The following STON1 variants were observed in gnomAD, a reference collection of about 807,000 sequenced individuals.
The protein encoded by STON1 is stonin 1.
Under a neutral mutation model 60.9 loss-of-function variants are expected in STON1, and 79 were observed. The ratio of observed to expected loss-of-function variants is 1.30; its 90% CI spans 1.08 to 1.56. The LOEUF (loss-of-function observed/expected upper bound fraction) is 1.56, where lower values mean the gene tolerates loss of function less well. Among genes scored for constraint, STON1 ranks in the 40% most tolerant of loss-of-function variants. The pLI, the probability that STON1 is intolerant of heterozygous loss-of-function variation, is 0.00. For missense variants in STON1, 1,166 were observed against 858.9 expected, an observed-to-expected ratio of 1.36 and a Z score of -4.47; for synonymous variants, 363 against 306.9, an observed-to-expected ratio of 1.18 and a Z score of -1.91.
chr2:48,580,800 C>T lies in STON1; in HGVS notation c.167C>T (p.Ser56Phe), dbSNP rs1354053702. Residue 56 changes from serine (S) to phenylalanine (F), a missense_variant, in exon 2 of 4, where the codon TCC becomes TTC. By Grantham distance (155) the Ser-to-Phe change is radical. Coordinates refer to ENST00000404752, the MANE Select transcript of STON1 (RefSeq NM_006873.4). Reference sequence around the variant, plus strand: ...AGGGAATTTCCCAGTGGATCTTCCTCCACCAGCAGCACTCCTCTCTCCTCC... The same window carrying T: ...AGGGAATTTCCCAGTGGATCTTCCTTCACCAGCAGCACTCCTCTCTCCTCC... ...GLREFPSGSSSTSSTPLSSPI... is the reference protein window; with the variant it reads ...GLREFPSGSSFTSSTPLSSPI... The T allele has an allele frequency of 3.2e-6, 5 of 1,553,538 alleles. No individual in the cohort carries two copies. Among genetic ancestry groups the T allele is most frequent in the Non-Finnish European group, 4.3e-6 (5 of 1,151,540 alleles).
At chr2:48,548,571 T>C (rs961387264) in intron 1 of STON1, among the ~76,000 whole-genome samples, 3 of 151,856 alleles carry the variant, frequency 2.0e-5, no homozygotes, top group Non-Finnish European at 2.9e-5. Context: ...TGATCTCGGC[T>C]CACTGAAGCC....
In STON1 at chr2:48,581,970, G is replaced by A; in HGVS notation, c.1337G>A (p.Cys446Tyr). ...SAVITQIYCL[C>Y]FVNGNLECFL... is the part of the protein sequence containing the mutation. ...GTGATAACTCAAATTTATTGCCTCT[G>A]CTTTGTGAATGGGAACCTGGAATGC... is the stretch of plus-strand genomic sequence containing the variant. Residue 446 changes from cysteine (C) to tyrosine (Y), a missense_variant, in exon 2 of 4, where the codon TGC becomes TAC. Coordinates refer to ENST00000404752, the MANE Select transcript of STON1 (RefSeq NM_006873.4). The A allele has an allele frequency of 6.2e-7, 1 of 1,614,178 alleles. No individual in the cohort carries two copies.
Position 48,591,639 on chromosome 2 carries a change from T to C in STON1, c.1931-14T>C. 2 of 1,611,332 alleles carry C rather than the reference T, an allele frequency of 1.2e-6. No homozygotes were observed. The highest frequency in any genetic ancestry group is 1.7e-6 in the Non-Finnish European group (2 of 1,178,748). On this transcript the variant is annotated splice_polypyrimidine_tract_variant and intron_variant, in intron 2 of 3. Transcript: ENST00000404752. Reference sequence around the variant, plus strand: ...ATTAAAATACTTTGACTATTTGATTTTTTTTCCCTCGAGGTCTAGATCATC... The same window carrying C: ...ATTAAAATACTTTGACTATTTGATTCTTTTTCCCTCGAGGTCTAGATCATC...
rs118172457 is a variant in STON1 at position 48,545,612 on chromosome 2, C to T, written c.-48+15396C>T. 3.2e-4 allele frequency among the ~76,000 whole-genome samples: 48 copies of T among 152,342 alleles called. No individual in the cohort carries two copies. In the East Asian group the frequency reaches 8.7e-3, roughly 28 times the overall value. On this transcript the variant is annotated intron_variant, in intron 1 of 3. Coordinates refer to ENST00000404752, the MANE Select transcript of STON1 (RefSeq NM_006873.4). ...AGGCGCTGGCTCCTTTAGTGGTTTC[C>T]TCATCTGCCTGTGCTCCTCACTCTC...
chr2:48,537,710 C>T (rs1215488174), intron 1 of STON1, among the ~76,000 whole-genome samples: 1 of 151,650 alleles, frequency 6.6e-6, no homozygotes, highest in Non-Finnish European at 1.5e-5. Context: ...ATTAGCTGGG[C>T]GTGGTGACAT....
chr2:48,540,242 A>G (rs1481988393), intron 1 of STON1, among the ~76,000 whole-genome samples: 1 of 152,120 alleles, frequency 6.6e-6, no homozygotes, highest in African/African-American at 2.4e-5. Context: ...GATATATACT[A>G]GTTTTTATCC....
intron 1 of STON1, among the ~76,000 whole-genome samples, chr2:48,541,253 G>A (rs1039626986): frequency 6.6e-6 from 1 of 151,974 alleles, no homozygotes; most frequent in Non-Finnish European, 1.5e-5. Flanking sequence ...AGGAGGCTGA[G>A]GCAGGACAGT....
chr2:48,588,851 A>C (rs1181345283), intron 2 of STON1, among the ~76,000 whole-genome samples: 1 of 152,124 alleles, frequency 6.6e-6, no homozygotes, highest in Non-Finnish European at 1.5e-5. Flanking sequence ...TTCCTTTGAC[A>C]GTGGGCAGGT....
At chr2:48,559,994 A>G (rs1672544026) in intron 1 of STON1, among the ~76,000 whole-genome samples, 1 of 152,190 alleles carries the variant, frequency 6.6e-6, no homozygotes, top group South Asian at 2.1e-4. Flanking sequence ...GGAAGGAATT[A>G]CGTTTTAGGG....
chr2:48,588,006 A>C (rs1168611799), intron 2 of STON1, among the ~76,000 whole-genome samples: 1 of 152,212 alleles, frequency 6.6e-6, no homozygotes, highest in Non-Finnish European at 1.5e-5. Context: ...AGGGCAGGCT[A>C]TAAGCTAATT....
At chr2:48,560,231 A>G (rs1672554714) in intron 1 of STON1, among the ~76,000 whole-genome samples, 1 of 152,174 alleles carries the variant, frequency 6.6e-6, no homozygotes, top group Admixed American at 6.6e-5. Context: ...CCTTCAGGGG[A>G]GAGGAGAAGG....
At chr2:48,571,506 A>G (rs1479411723) in intron 1 of STON1, among the ~76,000 whole-genome samples, 1 of 152,230 alleles carries the variant, frequency 6.6e-6, no homozygotes, top group Non-Finnish European at 1.5e-5. Context: ...CTTGTAATGC[A>G]GGAACAAAAC....
At chr2:48,574,795 C>G (rs1355740858) in intron 1 of STON1, among the ~76,000 whole-genome samples, 1 of 152,164 alleles carries the variant, frequency 6.6e-6, no homozygotes, top group Admixed American at 6.5e-5. Flanking sequence ...GGTCTGGGTA[C>G]ATAGTGATCA....
intron 1 of STON1, among the ~76,000 whole-genome samples, chr2:48,556,256 C>T (rs1222187092): frequency 1.1e-3 from 29 of 26,196 alleles, no homozygotes; most frequent in Non-Finnish European, 1.5e-3. Flanking sequence ...GGCGGCTGGC[C>T]GGGCAGAGGG....
chr2:48,557,960 T>A (rs1423607923), intron 1 of STON1, among the ~76,000 whole-genome samples: 1 of 152,180 alleles, frequency 6.6e-6, no homozygotes, highest in African/African-American at 2.4e-5. Flanking sequence ...CGGTGGCTCA[T>A]GCCTGTAATC....
At chr2:48,531,884 G>C (rs981558178) in intron 1 of STON1, 3 of 152,078 alleles carry the variant, frequency 2.0e-5, no homozygotes, top group African/African-American at 7.2e-5. Context: ...TCCAAGTATT[G>C]AACCATTTGG....
At chr2:48,551,015 G>A (rs905292618) in intron 1 of STON1, among the ~76,000 whole-genome samples, 25 of 147,414 alleles carry the variant, frequency 1.7e-4, no homozygotes, top group Admixed American at 4.1e-4. Context: ...ACTGGTTTCT[G>A]TATTTATTAT....
chr2:48,546,295 G>C (rs777676029), intron 1 of STON1, among the ~76,000 whole-genome samples: 1 of 152,200 alleles, frequency 6.6e-6, no homozygotes, highest in African/African-American at 2.4e-5. Flanking sequence ...TTCTCTCCCT[G>C]TGTCACCTGC....
At chr2:48,542,209 C>G (rs1671683511) in intron 1 of STON1, among the ~76,000 whole-genome samples, 2 of 152,266 alleles carry the variant, frequency 1.3e-5, no homozygotes, top group Non-Finnish European at 2.9e-5. Context: ...TCAGTGGAGC[C>G]TATTTATAAT....
Sources: gnomAD v4.1 joint callset for allele counts (sites outside exome capture counted in the v4.1 genomes callset) on GRCh38, gnomAD v4.1.1 for gene constraint, MANE v1.5 for transcripts, NCBI Gene and HGNC (gene_info 2026-07-23, HGNC 2026-07-21) for gene names.